DIAPH1: variants seen among roughly 807,000 people sequenced by gnomAD.
The protein encoded by DIAPH1 is protein diaphanous homolog 1.
DIAPH1 carries 46 observed loss-of-function variants against 140.7 expected under a neutral mutation model. The ratio of observed to expected loss-of-function variants is 0.33; its 90% confidence interval spans 0.26 to 0.42. The LOEUF (loss-of-function observed/expected upper bound fraction) is 0.42. DIAPH1 is among the 10% of genes least tolerant of loss of function. The pLI is 1.00. For missense variants in DIAPH1, 1,310 were observed against 1,558.7 expected (o/e 0.84, Z 2.69); for synonymous variants, 565 against 551.6 (o/e 1.02, Z -0.34).
At position 141,574,194 on chromosome 5, in the gene DIAPH1, T is replaced by TC; in HGVS notation, c.1655_1656insG (p.Glu554GlyfsTer25). ...CTTTCTTGGCATCTTCCAGTTCCTT[T>TC]GTCAGCTTGGCAACCTACAGAAATA... On this transcript the variant is annotated frameshift_variant, in exon 16 of 28. Transcript: ENST00000389054. LOFTEE classifies it high-confidence loss of function. 6.2e-7 allele frequency: 1 copy of TC among 1,614,146 alleles called. No individual in the cohort carries two copies. The highest frequency in any genetic ancestry group is 8.5e-7 in the Non-Finnish European group (1 of 1,180,030).
chr5:141,531,064 ACT>A (rs952886791), intron 19 of DIAPH1, among the ~76,000 whole-genome samples: 1 of 152,000 alleles, frequency 6.6e-6, no homozygotes, highest in African/African-American at 2.4e-5. Context: ...CACTTCCACG[ACT>A]CTGATTTATT....
At chr5:141,577,453 T>C in intron 12 of DIAPH1, 22 bp downstream of exon 12, 1 of 1,520,400 alleles carries the variant, frequency 6.6e-7, no homozygotes, top group Non-Finnish European at 9.1e-7. Context: ...ATTCAAAACT[T>C]CTCATAAGCA....
chr5:141,552,594 T>G (rs919672972), intron 18 of DIAPH1, among the ~76,000 whole-genome samples: 1 of 152,222 alleles, frequency 6.6e-6, no homozygotes, highest in African/African-American at 2.4e-5. Flanking sequence ...ATTTTAGAAA[T>G]TCTGGCCTCC....
At chr5:141,564,915 C>T (rs1370541881) in intron 18 of DIAPH1, 1 of 152,186 alleles carries the variant, frequency 6.6e-6, no homozygotes, top group Non-Finnish European at 1.5e-5. Context: ...TATCACTTTT[C>T]CCCTACTAGA....
chr5:141,583,103 A>G, intron 6 of DIAPH1, 103 bp downstream of exon 6: 1 of 1,011,070 alleles, frequency 9.9e-7, no homozygotes, highest in Non-Finnish European at 1.6e-6. Context: ...ACATTCCCCT[A>G]GCCCACAACT....
intron 4 of DIAPH1, 32 bp from the exon 5 acceptor site, chr5:141,583,647 T>C (rs750304742): frequency 2.5e-6 from 4 of 1,613,816 alleles, no homozygotes; most frequent in Non-Finnish European, 3.4e-6. Flanking sequence ...AGATTAGTAA[T>C]GGTGGACCCA....
In DIAPH1 at chr5:141,588,685, GC is replaced by G. The variant is rs1596394043; in HGVS notation, c.118-436del. Among the ~76,000 whole-genome samples the G allele has an allele frequency of 3.9e-5, 6 of 152,212 alleles. No individual in the cohort carries two copies. In the East Asian group the frequency reaches 1.2e-3, roughly 29 times the overall value. Reference sequence around the variant, plus strand: ...GGAACTCTTGGTGGTACTATAGAATGCTATAGCCACTTTGGAAAACAGTAAG... The same window carrying G: ...GGAACTCTTGGTGGTACTATAGAATGTATAGCCACTTTGGAAAACAGTAAG... On this transcript the variant is annotated intron_variant, in intron 1 of 27. Transcript: ENST00000389054.
chr5:141,596,280 C>T lies in DIAPH1; in HGVS notation c.118-8030G>A, dbSNP rs2099899309. ...CCCGGGAGGCAGAGGTTGCAGTGAG[C>T]CGAGATCGCACCACTGCACTCCAGC... On this transcript the variant is annotated intron_variant, in intron 1 of 27. Transcript: ENST00000389054. Among the ~76,000 whole-genome samples the T allele has an allele frequency of 3.9e-5, 6 of 152,114 alleles. No homozygotes were observed. The South Asian group carries it at 1.2e-3, about 32-fold the overall frequency.
intron 19 of DIAPH1, among the ~76,000 whole-genome samples, chr5:141,530,399 T>C (rs2099888031): frequency 6.6e-6 from 1 of 152,188 alleles, no homozygotes; most frequent in Non-Finnish European, 1.5e-5. Context: ...TTATTACTCC[T>C]ACTATTACCT....
In DIAPH1 at chr5:141,527,698, C is replaced by CAAAAA; in HGVS notation, c.3149-2_3149-1insTTTTT. ...TTCTTTTGCAAGTTTTCAGCAGAAA[C>CAAAAA]TAAAAAAAAAAAAAAAAAAAAAAAC... On this transcript the variant is annotated splice_acceptor_variant, in intron 23 of 27. Transcript: ENST00000389054. LOFTEE classifies it high-confidence loss of function. The CAAAAA allele has an allele frequency of 2.8e-4, 104 of 371,056 alleles. No homozygotes were observed. Among genetic ancestry groups the CAAAAA allele is most frequent in the South Asian group, 1.4e-3 (22 of 15,264 alleles). The allele number at this position is 371,056 out of a possible 1,614,324, so 23.0% of individuals were successfully genotyped here.
chr5:141,569,187 C>T (rs2099894792), intron 18 of DIAPH1, among the ~76,000 whole-genome samples: 2 of 152,264 alleles, frequency 1.3e-5, no homozygotes, highest in East Asian at 1.9e-4. Flanking sequence ...TACATACACA[C>T]TTCCTAAGAA....
chr5:141,516,373 G>T lies in DIAPH1; in HGVS notation c.*478C>A. 5.1e-6 allele frequency: 1 copy of T among 197,040 alleles called. No homozygotes were observed. Among genetic ancestry groups the T allele is most frequent in the Non-Finnish European group, 1.1e-5 (1 of 93,750 alleles). The allele number at this position is 197,040 out of a possible 1,614,324, so 12.2% of individuals were successfully genotyped here. A position where few individuals can be genotyped will look rare whatever the true frequency, so the allele number is the denominator to read the frequency against. On this transcript the variant is annotated 3_prime_UTR_variant, in exon 28 of 28. Transcript: ENST00000389054. ...CACAGCCAGGAGAGGGAAGAGCAGA[G>T]ACAACAGCAATGAAAGGAGGGATCT... is the stretch of plus-strand genomic sequence containing the variant.
chr5:141,571,517 T>G, intron 17 of DIAPH1, 81 bp from the exon 18 acceptor site: 1 of 1,248,506 alleles, frequency 8.0e-7, no homozygotes, highest in South Asian at 1.3e-5. Context: ...CACATATGGT[T>G]CTTGTTACTG....
At chr5:141,546,513 G>A (rs921995929) in intron 18 of DIAPH1, among the ~76,000 whole-genome samples, 5 of 148,480 alleles carry the variant, frequency 3.4e-5, no homozygotes, top group Admixed American at 2.0e-4. Flanking sequence ...AAAATGAGTC[G>A]GGCATGATGG....
chr5:141,560,857 A>G (rs950279273), intron 18 of DIAPH1: 19 of 455,672 alleles, frequency 4.2e-5, no homozygotes, highest in African/African-American at 8.0e-5. Flanking sequence ...CTGCAGAGAC[A>G]GCTGCTGGTT....
At chr5:141,616,418 G>A (rs906215500) in intron 1 of DIAPH1, among the ~76,000 whole-genome samples, 1 of 152,174 alleles carries the variant, frequency 6.6e-6, no homozygotes, top group Non-Finnish European at 1.5e-5. Context: ...AGTTCCAGAG[G>A]ACACATACTC....
chr5:141,529,019 T>C (rs1459995742), intron 21 of DIAPH1, 78 bp from the exon 22 acceptor site: 5 of 1,606,104 alleles, frequency 3.1e-6, no homozygotes, highest in African/African-American at 2.7e-5. Flanking sequence ...GAGCCTCCTA[T>C]GGGAGGATCA....
chr5:141,521,824 A>G (rs1310447752), intron 27 of DIAPH1, among the ~76,000 whole-genome samples: 1 of 152,162 alleles, frequency 6.6e-6, no homozygotes, highest in Non-Finnish European at 1.5e-5. Flanking sequence ...GGGGCCATCT[A>G]AGTCCAGCCT....
At chr5:141,609,108 T>C (rs1295801639) in intron 1 of DIAPH1, among the ~76,000 whole-genome samples, 1 of 148,728 alleles carries the variant, frequency 6.7e-6, no homozygotes, top group Non-Finnish European at 1.5e-5. Flanking sequence ...TATTTTTTCA[T>C]GCCTAAAAAA....
Sources: allele counts gnomAD v4.1 joint callset (sites outside exome capture counted in the v4.1 genomes callset), GRCh38; gene constraint gnomAD v4.1.1; transcripts MANE v1.5; gene names NCBI Gene and HGNC (gene_info 2026-07-23, HGNC 2026-07-21).